The following SEMA3E variants were observed in gnomAD, a reference collection of about 807,000 sequenced individuals.
SEMA3E encodes semaphorin 3E, also known as semaphorin-3E.
Under a neutral mutation model 93.6 loss-of-function variants are expected in SEMA3E, and 49 were observed. The observed-to-expected ratio is 0.52, with a 90% CI of 0.42 to 0.66. SEMA3E has a LOEUF of 0.66. SEMA3E is among the 30% of genes least tolerant of loss of function. The probability of loss-of-function intolerance (pLI) is 0.00; values close to 1 mark genes in which losing one functional copy is unlikely to be tolerated. For missense variants in SEMA3E, 906 were observed against 964.8 expected (o/e 0.94, Z 0.81); for synonymous variants, 363 against 330.7 (o/e 1.10, Z -1.06).
chr7:83,598,295 A>G, intron 1 of SEMA3E, among the ~76,000 whole-genome samples: 1 of 152,292 alleles, frequency 6.6e-6, no homozygotes, highest in East Asian at 1.9e-4. Context: ...ATTTCTCTGC[A>G]GATGTGAAAT....
Position 83,466,579 on chromosome 7 carries a change from C to T in SEMA3E, c.359G>A (p.Arg120Gln), listed in dbSNP as rs781381659. 8.7e-6 allele frequency: 14 copies of T among 1,613,658 alleles called. No individual in the cohort carries two copies. Among genetic ancestry groups the T allele is most frequent in the East Asian group, 4.5e-5 (2 of 44,868 alleles). Residue 120 changes from arginine (R) to glutamine (Q), a missense_variant, in exon 4 of 17, where the codon CGG becomes CAG. Arg to Gln is a conservative substitution (Grantham distance 43, BLOSUM62 1). Coordinates refer to ENST00000643230, the MANE Select transcript of SEMA3E (RefSeq NM_012431.3). ...TGTCCTGTTATAGTGATGCAAAACC[C>T]GAACATAATTTGCACATTCACCCTA... ...KDAGECANYV[R>Q]VLHHYNRTHL...
rs1412346507 is a variant in SEMA3E at position 83,407,211 on chromosome 7, A to T, written c.699T>A (p.Ile233=). The part of the protein sequence containing the change: ...KEPKFVGSYM[I]PDNEDRDDNK... ...TGTCATCTCTGTCTTCATTGTCAGG[A>T]ATCATGTATGAACCTACAAATTTTG... Residue 233 remains isoleucine (I), a synonymous_variant, in exon 7 of 17, where the codon ATT becomes ATA. Coordinates refer to ENST00000643230, the MANE Select transcript of SEMA3E (RefSeq NM_012431.3). 1 of 1,613,352 alleles carries T rather than the reference A, an allele frequency of 6.2e-7. No homozygotes were observed. Among genetic ancestry groups the T allele is most frequent in the Non-Finnish European group, 8.5e-7 (1 of 1,179,684 alleles).
chr7:83,623,885 C>A (rs1270846727), intron 1 of SEMA3E, among the ~76,000 whole-genome samples: 1 of 151,460 alleles, frequency 6.6e-6, no homozygotes, highest in Non-Finnish European at 1.5e-5. Context: ...TGCCCCCCAC[C>A]CCCAACAGGC....
intron 1 of SEMA3E, among the ~76,000 whole-genome samples, chr7:83,613,498 G>C (rs542420605): frequency 6.6e-6 from 1 of 151,870 alleles, no homozygotes; most frequent in Non-Finnish European, 1.5e-5. Flanking sequence ...AACTAACAAA[G>C]AGCCCTATTT....
At chr7:83,547,575 G>T (rs1295901026) in intron 1 of SEMA3E, among the ~76,000 whole-genome samples, 1 of 152,060 alleles carries the variant, frequency 6.6e-6, no homozygotes, top group South Asian at 2.1e-4. Context: ...GTCCGCTGTG[G>T]TCAGACATAC....
At chr7:83,390,060 C>CGTATATGTGTAT (rs1787979131) in intron 14 of SEMA3E, among the ~76,000 whole-genome samples, 3 of 39,038 alleles carry the variant, frequency 7.7e-5, no homozygotes, top group African/African-American at 2.2e-4. Context: ...TATACGTGTG[C>CGTATATGTGTAT]ACATATATGC....
At chr7:83,563,739 A>T (rs1052910664) in intron 1 of SEMA3E, among the ~76,000 whole-genome samples, 1 of 152,140 alleles carries the variant, frequency 6.6e-6, no homozygotes, top group Non-Finnish European at 1.5e-5. Flanking sequence ...ATTGAGTCAT[A>T]TGAAAATATA....
rs1794107440 is a variant in SEMA3E, at chr7:83,648,375, TTC to T, written c.115+51_115+52del. 5.1e-6 allele frequency: 7 copies of T among 1,372,736 alleles called. No individual in the cohort carries two copies. The Admixed American group carries it at 9.1e-5, about 18-fold the overall frequency. 85.0% of individuals were successfully genotyped at this position (1,372,736 alleles called of 1,614,324 possible). ...TGTTAAACGACTTTTTTTTTCTTTT[TTC>T]TTTTTCTTTTTTTTTTTTTTTAAAC... is the stretch of plus-strand genomic sequence containing the variant. On this transcript the variant is annotated intron_variant, in intron 1 of 16. Coordinates refer to ENST00000643230, the MANE Select transcript of SEMA3E (RefSeq NM_012431.3).
intron 5 of SEMA3E, among the ~76,000 whole-genome samples, chr7:83,415,554 A>T (rs1365542247): frequency 6.6e-6 from 1 of 152,162 alleles, no homozygotes; most frequent in African/African-American, 2.4e-5. Context: ...TATAAATGAA[A>T]TAAAAATGTG....
At chr7:83,509,751 C>T (rs1790777803) in intron 1 of SEMA3E, among the ~76,000 whole-genome samples, 2 of 152,232 alleles carry the variant, frequency 1.3e-5, no homozygotes, top group Admixed American at 6.5e-5. Flanking sequence ...TGATCTGTCA[C>T]TGGAATTTTA....
intron 14 of SEMA3E, among the ~76,000 whole-genome samples, chr7:83,391,457 A>T (rs1401732285): frequency 6.6e-6 from 1 of 152,174 alleles, no homozygotes; most frequent in African/African-American, 2.4e-5. Flanking sequence ...TAATTATGTG[A>T]CTATATTCTT....
intron 1 of SEMA3E, among the ~76,000 whole-genome samples, chr7:83,618,182 T>C (rs772600363): frequency 1.3e-5 from 2 of 152,086 alleles, no homozygotes; most frequent in Admixed American, 1.3e-4. Context: ...GTACCTATTA[T>C]GATTCAGAGT....
intron 13 of SEMA3E, among the ~76,000 whole-genome samples, chr7:83,392,999 G>A (rs1211125231): frequency 6.8e-6 from 1 of 147,464 alleles, no homozygotes; most frequent in Admixed American, 6.8e-5. Context: ...AACCTAGGAT[G>A]TGGAGGTGGA....
chr7:83,517,009 T>G (rs959999452), intron 1 of SEMA3E, among the ~76,000 whole-genome samples: 2 of 151,678 alleles, frequency 1.3e-5, no homozygotes, highest in Non-Finnish European at 2.9e-5. Flanking sequence ...AAGGCATGCA[T>G]TCCATAGAGT....
chr7:83,458,831 AAATAT>A (rs2115847819), intron 4 of SEMA3E, among the ~76,000 whole-genome samples: 1 of 148,746 alleles, frequency 6.7e-6, no homozygotes, highest in South Asian at 2.1e-4. Context: ...GAAGTCTAAT[AAATAT>A]ATATATTTTT....
chr7:83,443,254 A>AC (rs754297038), intron 4 of SEMA3E, among the ~76,000 whole-genome samples: 9 of 152,244 alleles, frequency 5.9e-5, no homozygotes, highest in African/African-American at 7.2e-5. Flanking sequence ...CAAAAGTAGG[A>AC]CCCCAAGGGT....
intron 13 of SEMA3E, 149 bp downstream of exon 13, chr7:83,394,148 T>C: frequency 1.2e-6 from 1 of 854,650 alleles, no homozygotes; most frequent in Non-Finnish European, 1.8e-6. Context: ...TAAAAGTTCT[T>C]ACTACAATAA....
At chr7:83,634,391 T>C (rs951903924) in intron 1 of SEMA3E, among the ~76,000 whole-genome samples, 8 of 152,124 alleles carry the variant, frequency 5.3e-5, no homozygotes, top group Non-Finnish European at 8.8e-5. Context: ...CAGTTTTTTT[T>C]CTCCAGATAG....
chr7:83,620,101 T>C lies in SEMA3E; in HGVS notation c.115+28327A>G, dbSNP rs143324100. ...AAAAGAGGGAGTTTCTCATTTTATA[T>C]GGCCTCCATAGCTCAGAATGAATAA... On this transcript the variant is annotated intron_variant, in intron 1 of 16. Transcript: ENST00000643230. 5.5e-3 allele frequency among the ~76,000 whole-genome samples: 842 copies of C among 152,090 alleles called. 8 individuals carry two copies. Among genetic ancestry groups the C allele is most frequent in the African/African-American group, 0.017 (722 of 41,528 alleles).
Sources: gnomAD v4.1 joint callset for allele counts (sites outside exome capture counted in the v4.1 genomes callset) on GRCh38, gnomAD v4.1.1 for gene constraint, MANE v1.5 for transcripts, NCBI Gene and HGNC (gene_info 2026-07-23, HGNC 2026-07-21) for gene names.